The following PRKCE variants were observed in gnomAD, a reference collection of about 807,000 sequenced individuals.
PRKCE encodes protein kinase C epsilon type.
Under a neutral mutation model 85.4 loss-of-function variants are expected in PRKCE, and 16 were observed. The ratio of observed to expected loss-of-function variants is 0.19; its 90% CI spans 0.13 to 0.28. The LOEUF (loss-of-function observed/expected upper bound fraction) is 0.28, where lower values mean the gene tolerates loss of function less well. Among genes scored for constraint, PRKCE ranks in the 10% least tolerant of loss-of-function variants. PRKCE has a pLI of 1.00. For synonymous variants in PRKCE, 388 were observed against 371.5 expected (o/e 1.04, Z -0.51); for missense variants, 573 against 975.2 (o/e 0.59, Z 5.49).
chr2:46,131,267 A>C (rs960555982), intron 11 of PRKCE, among the ~76,000 whole-genome samples: 18 of 152,204 alleles, frequency 1.2e-4, no homozygotes, highest in African/African-American at 4.1e-4. Context: ...CTGGAGAGGG[A>C]ACTCTAGACT....
intron 14 of PRKCE, among the ~76,000 whole-genome samples, chr2:46,178,247 C>T (rs919502922): frequency 2.6e-5 from 4 of 152,054 alleles, no homozygotes; most frequent in Admixed American, 6.5e-5. Context: ...GCAACAAGAG[C>T]GAAACTCTGT....
intron 10 of PRKCE, among the ~76,000 whole-genome samples, chr2:46,062,860 C>G (rs1199198243): frequency 6.6e-6 from 1 of 152,030 alleles, no homozygotes; most frequent in East Asian, 1.9e-4. Flanking sequence ...AACTCCTGGG[C>G]TCAAGTGATC....
At chr2:45,926,907 A>C (rs76809381) in intron 2 of PRKCE, among the ~76,000 whole-genome samples, 13,206 of 151,964 alleles carry the variant, frequency 0.087, 628 homozygotes, top group Middle Eastern at 0.14. Flanking sequence ...GTATATGAAC[A>C]TGTGTGAGTG....
At chr2:45,710,016 G>C (rs1182197825) in intron 1 of PRKCE, among the ~76,000 whole-genome samples, 2 of 152,140 alleles carry the variant, frequency 1.3e-5, no homozygotes, top group African/African-American at 4.8e-5. Context: ...TCACCATGTT[G>C]GCCAGACTGG....
intron 1 of PRKCE, among the ~76,000 whole-genome samples, chr2:45,696,256 G>A (rs184261005): frequency 2.0e-4 from 31 of 151,848 alleles, no homozygotes; most frequent in African/African-American, 7.0e-4. Context: ...ACACCTGGCC[G>A]AAATAACTTT....
At chr2:46,016,598 G>C (rs1185589245) in intron 10 of PRKCE, among the ~76,000 whole-genome samples, 1 of 152,096 alleles carries the variant, frequency 6.6e-6, no homozygotes, top group East Asian at 1.9e-4. Flanking sequence ...CATTTGAATA[G>C]GACCTTTGCT....
intron 10 of PRKCE, among the ~76,000 whole-genome samples, chr2:46,084,899 A>G (rs1230984861): frequency 6.6e-6 from 1 of 151,898 alleles, no homozygotes; most frequent in Non-Finnish European, 1.5e-5. Flanking sequence ...TTTTCTCTCC[A>G]GGCCTAGCTG....
chr2:46,035,331 C>T (rs1030567297), intron 10 of PRKCE, among the ~76,000 whole-genome samples: 16 of 152,260 alleles, frequency 1.1e-4, no homozygotes. Flanking sequence ...ACTCCTTTCT[C>T]ATAGAGAAAA....
intron 14 of PRKCE, among the ~76,000 whole-genome samples, chr2:46,177,872 C>T (rs1357474597): frequency 1.3e-5 from 2 of 152,154 alleles, no homozygotes; most frequent in African/African-American, 2.4e-5. Flanking sequence ...AGGGTTCACG[C>T]CAAGTAGAAA....
intron 2 of PRKCE, among the ~76,000 whole-genome samples, chr2:45,861,648 C>G (rs1256477801): frequency 1.3e-5 from 2 of 152,148 alleles, no homozygotes; most frequent in Admixed American, 1.3e-4. Flanking sequence ...TAGGTACTCA[C>G]TAAATGCCAT....
chr2:46,098,381 A>C (rs992770182), intron 11 of PRKCE, among the ~76,000 whole-genome samples: 9 of 152,264 alleles, frequency 5.9e-5, no homozygotes, highest in Non-Finnish European at 1.3e-4. Context: ...CAAGTAAAGC[A>C]GTAACAACTG....
intron 14 of PRKCE, among the ~76,000 whole-genome samples, chr2:46,167,633 C>G (rs1010700031): frequency 3.3e-5 from 5 of 152,102 alleles, no homozygotes; most frequent in African/African-American, 1.2e-4. Flanking sequence ...TGGGGAGTGC[C>G]AAGGGGAGGG....
At chr2:45,871,843 C>T (rs1211811562) in intron 2 of PRKCE, among the ~76,000 whole-genome samples, 3 of 152,156 alleles carry the variant, frequency 2.0e-5, no homozygotes, top group Non-Finnish European at 4.4e-5. Flanking sequence ...CTTCCCCTTA[C>T]ACACTGCGGA....
chr2:45,982,420 C>T lies in PRKCE; in HGVS notation c.693+2039C>T, dbSNP rs61764806. Among the ~76,000 whole-genome samples, 1,469 of 152,298 alleles carry T rather than the reference C, an allele frequency of 9.6e-3. 28 individuals are homozygous for T. The highest frequency in any genetic ancestry group is 0.068 in the South Asian group (328 of 4,820). On this transcript the variant is annotated intron_variant, in intron 5 of 14. Transcript: ENST00000306156. ...TCTGGTGATGGACTTCTTGGGTGTC[C>T]TGCACCGTGAACACTCGGCCGGTCC...
At position 46,021,652 on chromosome 2, in the gene PRKCE, T is replaced by C. The variant is rs190473795; in HGVS notation, c.1437+11135T>C. ...TACACATTTCTAAGGTGTCATTTGG[T>C]CACAGTTCAGTTGGCACATCATGAT... is the stretch of plus-strand genomic sequence containing the variant. On this transcript the variant is annotated intron_variant, in intron 10 of 14. Coordinates refer to ENST00000306156, the MANE Select transcript of PRKCE (RefSeq NM_005400.3). 4.4e-3 allele frequency among the ~76,000 whole-genome samples: 674 copies of C among 152,324 alleles called. 5 individuals carry two copies. Among genetic ancestry groups the C allele is most frequent in the Non-Finnish European group, 7.0e-3 (479 of 68,018 alleles).
chr2:45,687,207 C>T (rs1677364568), intron 1 of PRKCE, among the ~76,000 whole-genome samples: 1 of 152,002 alleles, frequency 6.6e-6, no homozygotes, highest in African/African-American at 2.4e-5. Context: ...AATTGAAAAT[C>T]ACACATAAAA....
At chr2:45,952,562 C>T (rs1233668227) in intron 2 of PRKCE, among the ~76,000 whole-genome samples, 5 of 152,168 alleles carry the variant, frequency 3.3e-5, no homozygotes, top group African/African-American at 4.8e-5. Context: ...CCCTATTTTA[C>T]GTTGAAATTG....
intron 10 of PRKCE, among the ~76,000 whole-genome samples, chr2:46,019,887 G>A (rs377517570): frequency 4.1e-5 from 5 of 122,650 alleles, no homozygotes; most frequent in African/African-American, 9.9e-5. Context: ...GTCTTGCTCC[G>A]TCACCATGCT....
intron 1 of PRKCE, among the ~76,000 whole-genome samples, chr2:45,837,586 G>C (rs868644105): frequency 6.6e-6 from 1 of 152,148 alleles, no homozygotes; most frequent in Non-Finnish European, 1.5e-5. Context: ...CTGCCAGTCC[G>C]GCTCCAGGGG....
Sources: allele counts gnomAD v4.1 joint callset (sites outside exome capture counted in the v4.1 genomes callset), GRCh38; gene constraint gnomAD v4.1.1; transcripts MANE v1.5; gene names NCBI Gene and HGNC (gene_info 2026-07-23, HGNC 2026-07-21).